The following ATG7 variants were observed in gnomAD, a reference collection of about 807,000 sequenced individuals.
The protein encoded by ATG7 is autophagy related 7.
A neutral mutation model predicts 82.4 loss-of-function variants in ATG7; 70 were observed. The observed-to-expected ratio is 0.85, with a 90% confidence interval of 0.70 to 1.04. The LOEUF is 1.04. ATG7 is among the 50% of genes least tolerant of loss of function. The pLI, the probability that ATG7 is intolerant of heterozygous loss-of-function variation, is 0.00. For missense variants in ATG7, 792 were observed against 864.3 expected (o/e 0.92, Z 1.05); for synonymous variants, 287 against 313.0 (o/e 0.92, Z 0.88).
chr3:11,545,917 T>C (rs962997533), intron 20 of ATG7, among the ~76,000 whole-genome samples: 2 of 150,714 alleles, frequency 1.3e-5, no homozygotes, highest in Admixed American at 1.3e-4. Flanking sequence ...AGCCAGAGGA[T>C]TGCTTAAGCC....
intron 20 of ATG7, among the ~76,000 whole-genome samples, chr3:11,441,501 G>A (rs780924232): frequency 1.6e-4 from 24 of 151,000 alleles, no homozygotes; most frequent in Admixed American, 2.6e-4. Flanking sequence ...CTCGGCCTCC[G>A]AAAGTGCTGG....
chr3:11,569,335 A>G, the ATG7 span, among the ~76,000 whole-genome samples: 1 of 152,126 alleles, frequency 6.6e-6, no homozygotes, highest in Non-Finnish European at 1.5e-5. Flanking sequence ...CATTTTGAGG[A>G]TACATTCTGG....
At chr3:11,330,836 G>A (rs1313974073) in intron 9 of ATG7, among the ~76,000 whole-genome samples, 1 of 152,194 alleles carries the variant, frequency 6.6e-6, no homozygotes, top group Non-Finnish European at 1.5e-5. Context: ...CGGGATTGGA[G>A]TGGGATGGGA....
intron 15 of ATG7, among the ~76,000 whole-genome samples, chr3:11,359,116 T>A (rs1336849353): frequency 6.6e-6 from 1 of 152,128 alleles, no homozygotes; most frequent in Admixed American, 6.5e-5. Flanking sequence ...ATATAAACAT[T>A]GATATGTATT....
downstream of ATG7, among the ~76,000 whole-genome samples, chr3:11,560,986 G>T (rs1186876725): frequency 6.6e-6 from 1 of 152,058 alleles, no homozygotes; most frequent in African/African-American, 2.4e-5. Context: ...CAGGGGTCAA[G>T]CAGCAGCAAG....
At chr3:11,292,649 T>TCAATTGAACAA (rs1575204904) in intron 3 of ATG7, among the ~76,000 whole-genome samples, 180 of 7,628 alleles carry the variant, frequency 0.024, 3 homozygotes, top group East Asian at 0.039. Flanking sequence ...AGAATTGAAT[T>TCAATTGAACAA]CCCACCACAC....
At chr3:11,301,946 G>A (rs1219989421) in intron 5 of ATG7, among the ~76,000 whole-genome samples, 1 of 152,202 alleles carries the variant, frequency 6.6e-6, no homozygotes, top group Non-Finnish European at 1.5e-5. Context: ...TACAAAATGT[G>A]AGCATCTTAA....
At chr3:11,388,337 GAGTTCAGAC>G (rs1261114344) in intron 19 of ATG7, among the ~76,000 whole-genome samples, 1 of 152,132 alleles carries the variant, frequency 6.6e-6, no homozygotes, top group Non-Finnish European at 1.5e-5. Context: ...ACTCTCCTCA[GAGTTCAGAC>G]GGTTAGTTCT....
chr3:11,486,240 T>A (rs1449599703), intron 20 of ATG7, among the ~76,000 whole-genome samples: 4 of 152,224 alleles, frequency 2.6e-5, no homozygotes, highest in Non-Finnish European at 5.9e-5. Flanking sequence ...GTATTTCTCC[T>A]TGAAGAGGTC....
At chr3:11,363,241 CTTT>C (rs111618869) in intron 17 of ATG7, 207 of 156,376 alleles carry the variant, frequency 1.3e-3, no homozygotes, top group South Asian at 4.2e-3. Context: ...CTCCTTCAAT[CTTT>C]TTTTTTTTTT....
chr3:11,525,495 A>T (rs2092555471), intron 20 of ATG7, among the ~76,000 whole-genome samples: 1 of 133,968 alleles, frequency 7.5e-6, no homozygotes, highest in Non-Finnish European at 1.6e-5. Context: ...TATGTGACAG[A>T]TGCTCATTTG....
At chr3:11,286,579 C>CTTTTTT (rs1944057448) in intron 3 of ATG7, among the ~76,000 whole-genome samples, 1 of 62,368 alleles carries the variant, frequency 1.6e-5, no homozygotes, top group Non-Finnish European at 3.4e-5. Flanking sequence ...TTCTTTCTTT[C>CTTTTTT]TTTCTTTTTT....
At chr3:11,553,675 G>A (rs965497037) in intron 20 of ATG7, among the ~76,000 whole-genome samples, 5 of 152,146 alleles carry the variant, frequency 3.3e-5, no homozygotes, top group Admixed American at 1.3e-4. Flanking sequence ...TCTAGACCTC[G>A]CTTGGCAGTC....
At chr3:11,289,924 G>A (rs1002172178) in intron 3 of ATG7, among the ~76,000 whole-genome samples, 4 of 152,244 alleles carry the variant, frequency 2.6e-5, no homozygotes, top group South Asian at 4.1e-4. Flanking sequence ...GAAGGAATAA[G>A]GGCAATACCT....
At chr3:11,425,807 C>T (rs1241595538) in intron 19 of ATG7, among the ~76,000 whole-genome samples, 2 of 152,112 alleles carry the variant, frequency 1.3e-5, no homozygotes, top group East Asian at 3.9e-4. Flanking sequence ...CCTTGTGCCC[C>T]TTACAGTCTC....
chr3:11,379,409 T>C (rs1381899033), intron 18 of ATG7, among the ~76,000 whole-genome samples: 1 of 152,220 alleles, frequency 6.6e-6, no homozygotes, highest in Non-Finnish European at 1.5e-5. Flanking sequence ...AATTTTATGC[T>C]CAAGGTGGTG....
chr3:11,361,667 T>A (rs1046967522), intron 16 of ATG7, among the ~76,000 whole-genome samples: 1 of 152,168 alleles, frequency 6.6e-6, no homozygotes, highest in Non-Finnish European at 1.5e-5. Flanking sequence ...AAATTCAAAT[T>A]TAACTGAGTG....
At chr3:11,427,550 G>T (rs1027657390) in intron 20 of ATG7, among the ~76,000 whole-genome samples, 2 of 151,106 alleles carry the variant, frequency 1.3e-5, no homozygotes, top group Non-Finnish European at 2.9e-5. Context: ...GGGCGAGGTG[G>T]CTCATGCCTA....
At chr3:11,565,161 C>T in the ATG7 span, 2 of 846,160 alleles carry the variant, frequency 2.4e-6, no homozygotes, top group South Asian at 3.0e-5. The surrounding 1 kb of genome is among the most constrained non-coding windows in gnomAD (Gnocchi z 4.1). Flanking sequence ...GATGAGGAGC[C>T]GGTTGCCAGC....
Sources: allele counts gnomAD v4.1 joint callset (sites outside exome capture counted in the v4.1 genomes callset), GRCh38; gene constraint gnomAD v4.1.1; non-coding constraint Gnocchi (gnomAD v3.1); transcripts MANE v1.5; gene names NCBI Gene and HGNC (gene_info 2026-07-23, HGNC 2026-07-21).